Variants in FBN2 observed in about 807,000 individuals in gnomAD.
The protein encoded by FBN2 is fibrillin-2.
FBN2 carries 105 observed loss-of-function variants against 355.6 expected under a neutral mutation model. The ratio of observed to expected loss-of-function variants is 0.30; its 90% CI spans 0.25 to 0.35. The LOEUF (loss-of-function observed/expected upper bound fraction) is 0.35. Among genes scored for constraint, FBN2 ranks in the 10% least tolerant of loss-of-function variants. The pLI is 1.00. For missense variants in FBN2, 3,280 were observed against 3,758.7 expected (o/e 0.87, Z 3.33); for synonymous variants, 1,350 against 1,301.2 (o/e 1.04, Z -0.81).
chr5:128,322,396 T>C (rs1363717297), intron 34 of FBN2, among the ~76,000 whole-genome samples: 2 of 152,242 alleles, frequency 1.3e-5, no homozygotes, highest in African/African-American at 4.8e-5. Flanking sequence ...TAGGTTTTCT[T>C]CTGGCGTTTT....
chr5:128,365,756 G>A (rs986532374), intron 17 of FBN2, among the ~76,000 whole-genome samples: 1 of 150,540 alleles, frequency 6.6e-6, no homozygotes, highest in African/African-American at 2.4e-5. Flanking sequence ...ATGTATAAAT[G>A]AATCTATATG....
At chr5:128,293,486 C>G (rs370587393) in intron 48 of FBN2, among the ~76,000 whole-genome samples, 1 of 150,346 alleles carries the variant, frequency 6.7e-6, no homozygotes, top group African/African-American at 2.4e-5. Context: ...AGCGAGACTC[C>G]GTCTCAAAAA....
At chr5:128,507,154 G>A (rs1327694065) in intron 5 of FBN2, among the ~76,000 whole-genome samples, 3 of 151,946 alleles carry the variant, frequency 2.0e-5, no homozygotes, top group Non-Finnish European at 4.4e-5. Context: ...TGGTATTTTT[G>A]CTTTCTTAAA....
intron 7 of FBN2, among the ~76,000 whole-genome samples, chr5:128,445,170 A>G (rs1201562577): frequency 6.6e-6 from 1 of 152,204 alleles, no homozygotes; most frequent in East Asian, 1.9e-4. Flanking sequence ...TAAGTAGTAT[A>G]AGACACTTGG....
intron 64 of FBN2, among the ~76,000 whole-genome samples, chr5:128,260,469 T>C (rs1053785464): frequency 3.3e-5 from 5 of 152,184 alleles, no homozygotes; most frequent in African/African-American, 1.2e-4. Context: ...GGAGCACAAA[T>C]ATATCAAAGT....
At chr5:128,428,965 C>G (rs998301665) in intron 7 of FBN2, among the ~76,000 whole-genome samples, 1 of 152,194 alleles carries the variant, frequency 6.6e-6, no homozygotes, top group South Asian at 2.1e-4. Context: ...AGGTTCCTGA[C>G]AGCTTATCCT....
rs778194211 is a variant in FBN2, at chr5:128,408,734, T to A, written c.1018A>T (p.Ser340Cys). The A allele has an allele frequency of 6.2e-7, 1 of 1,614,038 alleles. No individual in the cohort carries two copies. The highest frequency in any genetic ancestry group is 1.1e-5 in the South Asian group (1 of 91,076). ...CCACGTGGACAAACACAAAAATAGC[T>A]TCCCACGGTGTTGGAACATTCACCA... The part of the protein sequence containing the change: ...ETGECSNTVG[S>C]YFCVCPRGYV... The change falls in exon 8 of 65, where the codon AGC becomes TGC. Residue 340 changes from serine (S) to cysteine (C), a missense_variant. Ser to Cys is a moderately radical substitution (Grantham distance 112). Transcript: ENST00000262464.
chr5:128,524,626 T>A (rs1057327874), intron 4 of FBN2, among the ~76,000 whole-genome samples: 1 of 152,172 alleles, frequency 6.6e-6, no homozygotes, highest in African/African-American at 2.4e-5. Context: ...ATTCATAAAT[T>A]GAAAAATGTT....
At chr5:128,510,979 A>AT (rs1756112769) in intron 5 of FBN2, among the ~76,000 whole-genome samples, 1 of 151,988 alleles carries the variant, frequency 6.6e-6, no homozygotes, top group Non-Finnish European at 1.5e-5. Context: ...TTATACCTCC[A>AT]TTTTTTTATT....
At chr5:128,379,483 AT>A (rs571036069) in intron 11 of FBN2, among the ~76,000 whole-genome samples, 1 of 152,066 alleles carries the variant, frequency 6.6e-6, no homozygotes, top group South Asian at 2.1e-4. Context: ...AACAAAGCCT[AT>A]TTTTTTCAGC....
intron 19 of FBN2, 126 bp from the exon 20 acceptor site, chr5:128,357,521 T>C (rs1414336212): frequency 8.8e-6 from 10 of 1,130,758 alleles, no homozygotes; most frequent in Non-Finnish European, 1.0e-5. Flanking sequence ...TATGGATCTA[T>C]GAAGCATAAA....
chr5:128,479,598 A>G (rs1755100090), intron 5 of FBN2, among the ~76,000 whole-genome samples: 1 of 152,074 alleles, frequency 6.6e-6, no homozygotes, highest in Admixed American at 6.6e-5. Context: ...CCAGGTGAAA[A>G]GACATGATAA....
At chr5:128,307,086 A>C in intron 42 of FBN2, 49 bp downstream of exon 42, 1 of 1,128,994 alleles carries the variant, frequency 8.9e-7, no homozygotes, top group Non-Finnish European at 1.4e-6. Flanking sequence ...AGATTTTTAC[A>C]GAATGCTACA....
chr5:128,397,759 T>C (rs1438889557), intron 8 of FBN2, among the ~76,000 whole-genome samples: 1 of 152,116 alleles, frequency 6.6e-6, no homozygotes, highest in Non-Finnish European at 1.5e-5. Context: ...TAGGAGGTAT[T>C]TGAACAACTA....
intron 5 of FBN2, among the ~76,000 whole-genome samples, chr5:128,514,520 G>GTACTT (rs1756226994): frequency 6.6e-6 from 1 of 151,998 alleles, no homozygotes; most frequent in East Asian, 1.9e-4. Context: ...CAAGTTCCAA[G>GTACTT]TACTTAGCCT....
At chr5:128,265,768 A>G (rs548971301) in intron 62 of FBN2, among the ~76,000 whole-genome samples, 1 of 152,358 alleles carries the variant, frequency 6.6e-6, no homozygotes, top group Non-Finnish European at 1.5e-5. Flanking sequence ...AAAACTTCCT[A>G]AAGTGTTAGT....
At chr5:128,357,830 C>T (rs1450458962) in intron 19 of FBN2, among the ~76,000 whole-genome samples, 1 of 152,092 alleles carries the variant, frequency 6.6e-6, no homozygotes, top group Non-Finnish European at 1.5e-5. Flanking sequence ...TAATTCCAAG[C>T]TCTTGGGTAT....
intron 7 of FBN2, among the ~76,000 whole-genome samples, chr5:128,437,744 GATAA>G (rs374302589): frequency 6.6e-5 from 10 of 151,846 alleles, no homozygotes; most frequent in Admixed American, 2.0e-4. Context: ...AGTCTAGATA[GATAA>G]ATAGATAGAT....
chr5:128,387,048 T>C (rs1170211800), intron 11 of FBN2, among the ~76,000 whole-genome samples: 2 of 152,110 alleles, frequency 1.3e-5, no homozygotes, highest in Admixed American at 1.3e-4. Flanking sequence ...CTGGCGGAAT[T>C]TGTCTGTGAA....
Sources: gnomAD v4.1 joint callset for allele counts (sites outside exome capture counted in the v4.1 genomes callset) on GRCh38, gnomAD v4.1.1 for gene constraint, MANE v1.5 for transcripts, NCBI Gene and HGNC (gene_info 2026-07-23, HGNC 2026-07-21) for gene names.